UNC79: variants seen among roughly 807,000 people sequenced by gnomAD.
UNC79 encodes protein unc-79 homolog.
A neutral mutation model predicts 283.1 loss-of-function variants in UNC79; 37 were observed. The ratio of observed to expected loss-of-function variants is 0.13; its 90% CI spans 0.10 to 0.17. UNC79 has a LOEUF of 0.17. UNC79 is among the 10% of genes least tolerant of loss of function. UNC79 has a pLI of 1.00. For missense variants in UNC79, 2,272 were observed against 3,211.1 expected, an observed-to-expected ratio of 0.71 and a Z score of 7.07; for synonymous variants, 1,107 against 1,200.2, an observed-to-expected ratio of 0.92 and a Z score of 1.61.
At chr14:93,530,887 C>T (rs906271849) in intron 10 of UNC79, among the ~76,000 whole-genome samples, 12 of 152,176 alleles carry the variant, frequency 7.9e-5, no homozygotes, top group South Asian at 4.2e-4. Flanking sequence ...CCAGCCTGGG[C>T]AACAGAGCGA....
chr14:93,507,916 C>G (rs952269720), intron 7 of UNC79, among the ~76,000 whole-genome samples: 2 of 151,970 alleles, frequency 1.3e-5, no homozygotes, highest in African/African-American at 4.8e-5. Context: ...TTTATATTTC[C>G]TTATTTCCAG....
At chr14:93,423,057 T>A (rs2055634527) in intron 1 of UNC79, among the ~76,000 whole-genome samples, 1 of 76,342 alleles carries the variant, frequency 1.3e-5, no homozygotes, top group African/African-American at 6.4e-5. Flanking sequence ...AGCGAGACTC[T>A]GTCTCAAAAA....
intron 47 of UNC79, among the ~76,000 whole-genome samples, chr14:93,701,010 C>T (rs2075489485): frequency 6.6e-6 from 1 of 152,104 alleles, no homozygotes; most frequent in Non-Finnish European, 1.5e-5. Flanking sequence ...AGTTGTCTCT[C>T]TCTCTGTAGA....
At chr14:93,406,894 C>T (rs1206161727) in intron 1 of UNC79, among the ~76,000 whole-genome samples, 2 of 152,142 alleles carry the variant, frequency 1.3e-5, no homozygotes, top group Non-Finnish European at 2.9e-5. Flanking sequence ...AAAATTTATT[C>T]TGTTCTAGTT....
rs1294350814 is a variant in UNC79 at position 93,580,411 on chromosome 14, A to C, written c.2661+35A>C. The C allele has an allele frequency of 5.0e-6, 8 of 1,593,288 alleles. No individual in the cohort carries two copies. In the South Asian group the frequency reaches 9.1e-5, roughly 18 times the overall value. On this transcript the variant is annotated intron_variant, in intron 19 of 48. Transcript: ENST00000555664. ...TGAAGAAACGAGATGACCCATGTAT[A>C]ATAGCATTAAAGACTGCAGTAGCTG...
rs1295089522 is a variant in UNC79, at chr14:93,531,076, A to G, written c.1094-1474A>G. On this transcript the variant is annotated intron_variant, in intron 10 of 48. Transcript: ENST00000555664. This position sits in a 1 kb window ranked among gnomAD's most constrained non-coding sequence, Gnocchi z 4.2. ...AGCCATAGTCAAGTTATAAAATATA[A>G]GTTATAAAATCCTTTTTAAATATGT... Among the ~76,000 whole-genome samples, 3 of 152,224 alleles carry G rather than the reference A, an allele frequency of 2.0e-5. No homozygotes were observed. Among genetic ancestry groups the G allele is most frequent in the African/African-American group, 4.8e-5 (2 of 41,458 alleles).
chr14:93,568,079 G>A (rs1040980437), intron 14 of UNC79, among the ~76,000 whole-genome samples: 2 of 152,152 alleles, frequency 1.3e-5, no homozygotes, highest in African/African-American at 4.8e-5. Context: ...TGAATAGAAT[G>A]GGAGGCAGAT....
exon 15 of UNC79, chr14:93,572,059 T>C (rs750598302): frequency 1.1e-5 from 17 of 1,613,948 alleles, no homozygotes; most frequent in Non-Finnish European, 1.4e-5. Flanking sequence ...AGATAATCAG[T>C]TAAAAGAATT....
chr14:93,674,115 A>G (rs1199413579), intron 41 of UNC79, among the ~76,000 whole-genome samples: 3 of 152,120 alleles, frequency 2.0e-5, no homozygotes, highest in Non-Finnish European at 4.4e-5. Flanking sequence ...GGTTTCGATG[A>G]CCTGAGACAG....
intron 1 of UNC79, among the ~76,000 whole-genome samples, chr14:93,347,831 C>G (rs77341563): frequency 0.072 from 10,884 of 151,704 alleles, 807 homozygotes; most frequent in African/African-American, 0.19. Flanking sequence ...CCGGAGACCC[C>G]TTAGATGAAA....
At chr14:93,340,461 AAAAG>A (rs1265466319) in intron 1 of UNC79, among the ~76,000 whole-genome samples, 7,046 of 145,066 alleles carry the variant, frequency 0.049, 261 homozygotes, top group East Asian at 0.27. Context: ...AAAAAAAAAA[AAAAG>A]AAGGCCACCT....
intron 7 of UNC79, among the ~76,000 whole-genome samples, chr14:93,505,073 A>C (rs1479525941): frequency 6.6e-6 from 1 of 152,036 alleles, no homozygotes; most frequent in Non-Finnish European, 1.5e-5. Context: ...ATTTTTGTAA[A>C]TGTTCCTGTG....
At chr14:93,334,060 G>GT (rs961963494) in intron 1 of UNC79, among the ~76,000 whole-genome samples, 1 of 152,212 alleles carries the variant, frequency 6.6e-6, no homozygotes, top group African/African-American at 2.4e-5. Context: ...GTGTCACACA[G>GT]TTTTTTGTTG....
At chr14:93,542,566 A>G (rs760256691) in exon 14 of UNC79, 16 of 1,614,050 alleles carry the variant, frequency 9.9e-6, no homozygotes, top group Admixed American at 8.3e-5. Context: ...TATATGATGG[A>G]TGATGAAGTG....
chr14:93,374,284 T>A (rs1382752626), intron 1 of UNC79, among the ~76,000 whole-genome samples: 1 of 152,200 alleles, frequency 6.6e-6, no homozygotes, highest in Non-Finnish European at 1.5e-5. Context: ...CAAGCAGCTA[T>A]GTGGGTTGCA....
chr14:93,613,187 C>A, intron 27 of UNC79, 104 bp downstream of exon 28: 2 of 1,463,266 alleles, frequency 1.4e-6, no homozygotes, highest in Non-Finnish European at 1.9e-6. Context: ...AAGGTTTGTA[C>A]AAATTGCTTG....
chr14:93,609,631 A>G lies in UNC79; in HGVS notation c.3755-3166A>G, dbSNP rs569076359. Among the ~76,000 whole-genome samples the G allele has an allele frequency of 3.9e-5, 6 of 152,336 alleles. No individual in the cohort carries two copies. In the South Asian group the frequency reaches 1.2e-3, roughly 32 times the overall value. On this transcript the variant is annotated intron_variant, in intron 26 of 48. Coordinates refer to ENST00000555664, the Ensembl canonical transcript of UNC79. ...ATTTCACAGACTAGAATTCAATACT[A>G]TTAAGTGTTTTGTTTTCTTAGAGAA...
intron 1 of UNC79, among the ~76,000 whole-genome samples, chr14:93,344,804 G>C (rs976563543): frequency 6.6e-6 from 1 of 152,226 alleles, no homozygotes; most frequent in African/African-American, 2.4e-5. Context: ...GCCAAGGGAA[G>C]ACTGAGAACA....
At chr14:93,387,515 A>G (rs2054803092) in intron 1 of UNC79, among the ~76,000 whole-genome samples, 1 of 152,156 alleles carries the variant, frequency 6.6e-6, no homozygotes, top group South Asian at 2.1e-4. Flanking sequence ...ATTCAGTAGC[A>G]TGTTGCTTAA....
Sources: gnomAD v4.1 joint callset for allele counts (sites outside exome capture counted in the v4.1 genomes callset) on GRCh38, gnomAD v4.1.1 for gene constraint, Gnocchi (gnomAD v3.1) non-coding constraint, MANE v1.5 for transcripts, NCBI Gene and HGNC (gene_info 2026-07-23, HGNC 2026-07-21) for gene names.